GARIN1A: variants seen among roughly 807,000 people sequenced by gnomAD.
GARIN1A encodes the protein Golgi-associated RAB2 interactor protein 1A.
At chr7:128,704,594 C>T in the GARIN1A span, among the ~76,000 whole-genome samples, 2 of 152,224 alleles carry the variant, frequency 1.3e-5, no homozygotes, top group South Asian at 2.1e-4. Context: ...CATGAGCCAC[C>T]GCTTCCAGCC....
chr7:128,673,096 G>A, the GARIN1A span, among the ~76,000 whole-genome samples: 290 of 152,242 alleles, frequency 1.9e-3, 1 homozygote, highest in African/African-American at 6.8e-3. Flanking sequence ...AAGTCTTAAC[G>A]CGGGTGCTGC....
At chr7:128,673,803 AC>A in the GARIN1A span, among the ~76,000 whole-genome samples, 1 of 152,072 alleles carries the variant, frequency 6.6e-6, no homozygotes, top group African/African-American at 2.4e-5. Flanking sequence ...TTCCTAACAT[AC>A]CCTTGGTGGA....
the GARIN1A span, among the ~76,000 whole-genome samples, chr7:128,675,064 C>T: frequency 1.3e-5 from 2 of 152,200 alleles, no homozygotes; most frequent in African/African-American, 4.8e-5. Flanking sequence ...TTCTGCCAGC[C>T]GTGCACAGTG....
chr7:128,675,891 G>A, the GARIN1A span: 1 of 1,462,712 alleles, frequency 6.8e-7, no homozygotes, highest in Non-Finnish European at 9.6e-7. Context: ...GGAAGGGATG[G>A]AATGATTGAC....
At chr7:128,695,624 T>C in the GARIN1A span, among the ~76,000 whole-genome samples, 54 of 152,300 alleles carry the variant, frequency 3.5e-4, no homozygotes, top group African/African-American at 1.3e-3. The surrounding 1 kb of genome is among the most constrained non-coding windows in gnomAD (Gnocchi z 4.5). Flanking sequence ...CACTGCAGCC[T>C]CGTCCTCCCA....
the GARIN1A span, chr7:128,672,410 AG>A: frequency 6.2e-7 from 1 of 1,608,058 alleles, no homozygotes; most frequent in Non-Finnish European, 8.5e-7. Flanking sequence ...GAGTAAAATC[AG>A]GGGCCTCCCA....
At chr7:128,697,145 T>C in the GARIN1A span, among the ~76,000 whole-genome samples, 1 of 152,026 alleles carries the variant, frequency 6.6e-6, no homozygotes, top group South Asian at 2.1e-4. Flanking sequence ...ACAACCTTGG[T>C]TTTAGTTGGG....
chr7:128,690,635 T>C, the GARIN1A span: 5 of 152,328 alleles, frequency 3.3e-5, no homozygotes, highest in Middle Eastern at 3.4e-3. Context: ...TATTTTTTAT[T>C]TTTAAAAAAT....
the GARIN1A span, among the ~76,000 whole-genome samples, chr7:128,674,300 T>A: frequency 4.2e-4 from 64 of 152,070 alleles, no homozygotes; most frequent in African/African-American, 1.0e-3. Flanking sequence ...TAAAAAAAAA[T>A]TTTTGATAGA....
the GARIN1A span, among the ~76,000 whole-genome samples, chr7:128,698,094 G>A: frequency 6.6e-6 from 1 of 152,106 alleles, no homozygotes; most frequent in Non-Finnish European, 1.5e-5. Context: ...TTTAAAATTT[G>A]TATGTATAGG....
At chr7:128,701,373 AAGGGGAGGGAGAGGGGAGGGG>A in the GARIN1A span, among the ~76,000 whole-genome samples, 1 of 10,882 alleles carries the variant, frequency 9.2e-5, no homozygotes, top group Non-Finnish European at 1.6e-4. Context: ...AGGGGAGGGG[AAGGGGAGGGAGAGGGGAGGGG>A]AGGGGAAGGG....
At chr7:128,695,609 C>T in the GARIN1A span, among the ~76,000 whole-genome samples, 875 of 151,170 alleles carry the variant, frequency 5.8e-3, 7 homozygotes, top group African/African-American at 0.019. The surrounding 1 kb of genome is among the most constrained non-coding windows in gnomAD (Gnocchi z 4.5). Flanking sequence ...GGTGTGATCT[C>T]GCCTCACTGC....
the GARIN1A span, among the ~76,000 whole-genome samples, chr7:128,707,397 T>A: frequency 0.019 from 2,888 of 152,178 alleles, 43 homozygotes; most frequent in South Asian, 0.048. Context: ...TTGACCATCA[T>A]CTCCTCATCT....
At chr7:128,708,508 G>T in the GARIN1A span, among the ~76,000 whole-genome samples, 1 of 150,632 alleles carries the variant, frequency 6.6e-6, no homozygotes, top group Non-Finnish European at 1.5e-5. Context: ...GACTGATAGG[G>T]GATTTCTGAA....
chr7:128,672,191 TC>T, the GARIN1A span: 2 of 491,914 alleles, frequency 4.1e-6, no homozygotes, highest in East Asian at 3.3e-5. Context: ...CTTTTTTTTT[TC>T]CCTTTTCTGT....
At chr7:128,676,019 CTTT>C in the GARIN1A span, among the ~76,000 whole-genome samples, 23 of 121,544 alleles carry the variant, frequency 1.9e-4, no homozygotes, top group Non-Finnish European at 1.8e-4. Flanking sequence ...TATTTAGTAT[CTTT>C]TTTTTTTTTT....
the GARIN1A span, chr7:128,677,504 CAAAAA>C: frequency 5.5e-6 from 7 of 1,272,874 alleles, no homozygotes; most frequent in African/African-American, 2.0e-5. Context: ...GACTCCGTCT[CAAAAA>C]AAAAAAAAAA....
At chr7:128,676,354 T>A in the GARIN1A span, among the ~76,000 whole-genome samples, 5 of 152,106 alleles carry the variant, frequency 3.3e-5, no homozygotes, top group African/African-American at 4.8e-5. Context: ...TGCTTCGTGC[T>A]GGGATAGGGC....
At chr7:128,701,325 AGG>A in the GARIN1A span, among the ~76,000 whole-genome samples, 3 of 77,646 alleles carry the variant, frequency 3.9e-5, no homozygotes, top group South Asian at 1.2e-3. Flanking sequence ...TCTATAGGGG[AGG>A]GGGAGGGGAG....
Sources: gnomAD v4.1 joint callset for allele counts (sites outside exome capture counted in the v4.1 genomes callset) on GRCh38, gnomAD v4.1.1 for gene constraint, Gnocchi (gnomAD v3.1) non-coding constraint, MANE v1.5 for transcripts, NCBI Gene and HGNC (gene_info 2026-07-23, HGNC 2026-07-21) for gene names.